Variants in TET2 observed in about 807,000 individuals in gnomAD.
The protein encoded by TET2 is tet methylcytosine dioxygenase 2.
A neutral mutation model predicts 142.9 loss-of-function variants in TET2; 299 were observed. The ratio of observed to expected loss-of-function variants is 2.09; its 90% CI spans 1.90 to 2.30. The LOEUF (loss-of-function observed/expected upper bound fraction) is 2.30. Among genes scored for constraint, TET2 ranks in the 30% most tolerant of loss-of-function variants. TET2 has a pLI of 0.00. For missense variants in TET2, 2,418 were observed against 2,378.0 expected, an observed-to-expected ratio of 1.02 and a Z score of -0.35; for synonymous variants, 819 against 849.0, an observed-to-expected ratio of 0.96 and a Z score of 0.61.
At chr4:105,184,237 ACTT>A (rs1725292900) in intron 1 of TET2, among the ~76,000 whole-genome samples, 1 of 152,136 alleles carries the variant, frequency 6.6e-6, no homozygotes, top group African/African-American at 2.4e-5. Context: ...TTCCCTCATA[ACTT>A]CTTTTTATTT....
intron 2 of TET2, among the ~76,000 whole-genome samples, chr4:105,203,689 A>T (rs1360120057): frequency 6.6e-6 from 1 of 152,186 alleles, no homozygotes; most frequent in Non-Finnish European, 1.5e-5. Flanking sequence ...TAAACTCTTA[A>T]CATAGCACAA....
intron 8 of TET2, among the ~76,000 whole-genome samples, chr4:105,262,399 C>T (rs1730484960): frequency 6.6e-6 from 1 of 151,836 alleles, no homozygotes; most frequent in Non-Finnish European, 1.5e-5. Context: ...GTATTCTAAA[C>T]TATAGCTAGT....
intron 1 of TET2, among the ~76,000 whole-genome samples, chr4:105,176,609 AC>A (rs1724810672): frequency 6.6e-6 from 1 of 152,176 alleles, no homozygotes; most frequent in African/African-American, 2.4e-5. Context: ...TATGAAGAAA[AC>A]TACAAAAGTG....
intron 8 of TET2, among the ~76,000 whole-genome samples, chr4:105,266,997 G>A (rs1730710826): frequency 6.6e-6 from 1 of 151,492 alleles, no homozygotes; most frequent in Non-Finnish European, 1.5e-5. Context: ...GGCAAATGGA[G>A]AAAAAAGGAC....
chr4:105,249,248 A>G (rs144457241), intron 6 of TET2, among the ~76,000 whole-genome samples: 1 of 152,156 alleles, frequency 6.6e-6, no homozygotes, highest in Non-Finnish European at 1.5e-5. Flanking sequence ...GCTGGTCTCA[A>G]ACTCAGCCTC....
chr4:105,183,279 C>G lies in TET2; in HGVS notation c.-192-7081C>G, dbSNP rs190655217. On this transcript the variant is annotated intron_variant, in intron 1 of 10. Transcript: ENST00000380013. ...AATAGAATATATATTGTAAAAATTG[C>G]TTTGGAATCAATAATAAGTATTGTG... Among the ~76,000 whole-genome samples, 327 of 152,008 alleles carry G rather than the reference C, an allele frequency of 2.2e-3. 3 individuals are homozygous for G. The highest frequency in any genetic ancestry group is 4.9e-4 in the Non-Finnish European group (33 of 67,940).
At position 105,234,883 on chromosome 4, in the gene TET2, G is replaced by T. The variant is rs753427166; in HGVS notation, c.941G>T (p.Cys314Phe). The change falls in exon 3 of 11, where the codon TGT becomes TTT. Residue 314 changes from cysteine (C) to phenylalanine (F), a missense_variant. Transcript: ENST00000380013. Reference protein sequence around the residue: ...ASKLAAMLNTCSFQKPEQLQQ... With the variant: ...ASKLAAMLNTFSFQKPEQLQQ... ...AAACTAGCTGCAATGCTAAATACCTGTTCCTTTCAGAAACCAGAACAACTA... is the reference window on the plus strand; with the variant it reads ...AAACTAGCTGCAATGCTAAATACCTTTTCCTTTCAGAAACCAGAACAACTA... 5.6e-6 allele frequency: 9 copies of T among 1,614,044 alleles called. No individual in the cohort carries two copies. The highest frequency in any genetic ancestry group is 7.6e-6 in the Non-Finnish European group (9 of 1,180,002).
chr4:105,157,638 C>T (rs7675976), intron 1 of TET2, among the ~76,000 whole-genome samples: 94 of 152,102 alleles, frequency 6.2e-4, no homozygotes, highest in African/African-American at 2.1e-3. Context: ...TTGAAAAAGA[C>T]GTTTGGTTAC....
intron 2 of TET2, among the ~76,000 whole-genome samples, chr4:105,217,120 A>G (rs544629742): frequency 2.6e-5 from 4 of 152,140 alleles, no homozygotes; most frequent in Admixed American, 6.6e-5. Flanking sequence ...TAAAATAACA[A>G]TCAACCAAAT....
At chr4:105,262,768 C>T (rs530121275) in intron 8 of TET2, among the ~76,000 whole-genome samples, 1 of 151,974 alleles carries the variant, frequency 6.6e-6, no homozygotes, top group Admixed American at 6.6e-5. Flanking sequence ...GTAATCCCAG[C>T]TACTCGGAAG....
intron 1 of TET2, among the ~76,000 whole-genome samples, chr4:105,169,703 A>G (rs1478091391): frequency 2.0e-5 from 3 of 152,188 alleles, no homozygotes; most frequent in Non-Finnish European, 4.4e-5. Context: ...TAGAATTTTT[A>G]TAGTTTCAGC....
Position 105,236,209 on chromosome 4 carries a change from T to C in TET2, c.2267T>C (p.Ile756Thr). The change falls in exon 3 of 11, where the codon ATA becomes ACA. Residue 756 changes from isoleucine (I) to threonine (T), a missense_variant. By Grantham distance (89) the Ile-to-Thr change is moderately conservative (BLOSUM62 -1). Transcript: ENST00000380013. ...QKLQIKNKEE[I>T]LQTFPHPQSN... ...TTACAAATAAAGAATAAAGAGGAAATACTCCAGACTTTTCCTCACCCCCAA... is the reference window on the plus strand; with the variant it reads ...TTACAAATAAAGAATAAAGAGGAAACACTCCAGACTTTTCCTCACCCCCAA... 6.2e-7 allele frequency: 1 copy of C among 1,613,824 alleles called. No individual in the cohort carries two copies.
intron 6 of TET2, among the ~76,000 whole-genome samples, chr4:105,244,639 A>T (rs369920427): frequency 1.1e-4 from 13 of 116,574 alleles, no homozygotes; most frequent in African/African-American, 4.2e-4. Flanking sequence ...CTTGTTGCCC[A>T]GGCTGGAGTG....
chr4:105,246,242 T>C (rs866521245), intron 6 of TET2, among the ~76,000 whole-genome samples: 34 of 151,718 alleles, frequency 2.2e-4, no homozygotes, highest in African/African-American at 8.0e-4. Flanking sequence ...ATAATTCTTA[T>C]AAATGCCAAT....
At chr4:105,157,622 G>A (rs931805674) in intron 1 of TET2, among the ~76,000 whole-genome samples, 1 of 152,126 alleles carries the variant, frequency 6.6e-6, no homozygotes, top group East Asian at 1.9e-4. Flanking sequence ...CTACTGAAAA[G>A]CAAACTTGAA....
At chr4:105,255,727 T>G (rs1189452347) in intron 6 of TET2, among the ~76,000 whole-genome samples, 2 of 152,158 alleles carry the variant, frequency 1.3e-5, no homozygotes, top group East Asian at 3.8e-4. Context: ...CTTGTAGATA[T>G]CGTATAGTTA....
chr4:105,146,898 G>A lies in TET2; in HGVS notation c.-274G>A, dbSNP rs1429170711. The A allele has an allele frequency of 2.0e-5, 3 of 152,504 alleles. No individual in the cohort carries two copies. The highest frequency in any genetic ancestry group is 6.5e-5 in the Admixed American group (1 of 15,290). The allele number at this position is 152,504 out of a possible 1,614,324, so 9.4% of individuals were successfully genotyped here. A position where few individuals can be genotyped will look rare whatever the true frequency, so the allele number is the denominator to read the frequency against. On this transcript the variant is annotated 5_prime_UTR_variant, in exon 1 of 11. Coordinates refer to ENST00000380013, the MANE Select transcript of TET2 (RefSeq NM_001127208.3). ...TTCGTAGAGAAGCAGAAGGAAGCAA[G>A]ATGGCTGCCCTTTAGGATTTGTTAG... is the stretch of plus-strand genomic sequence containing the variant.
chr4:105,198,467 A>G (rs915132967), intron 2 of TET2, among the ~76,000 whole-genome samples: 2 of 152,246 alleles, frequency 1.3e-5, no homozygotes, highest in African/African-American at 2.4e-5. Context: ...GATATGGAAG[A>G]TATTTCTCTT....
chr4:105,264,030 C>A (rs962499196), intron 8 of TET2, among the ~76,000 whole-genome samples: 7 of 151,744 alleles, frequency 4.6e-5, no homozygotes, highest in Middle Eastern at 3.4e-3. Context: ...ACACAGCAGA[C>A]ATGGACAAGG....
Sources: gnomAD v4.1 joint callset for allele counts (sites outside exome capture counted in the v4.1 genomes callset) on GRCh38, gnomAD v4.1.1 for gene constraint, MANE v1.5 for transcripts, NCBI Gene and HGNC (gene_info 2026-07-23, HGNC 2026-07-21) for gene names.